Variants in IL1RAPL1 observed in about 807,000 individuals in gnomAD.
IL1RAPL1 encodes the protein interleukin 1 receptor accessory protein like 1, also known as interleukin-1 receptor accessory protein-like 1.
A neutral mutation model predicts 48.4 loss-of-function variants in IL1RAPL1; 3 were observed. The ratio of observed to expected loss-of-function variants is 0.06; its 90% confidence interval spans 0.03 to 0.16. The LOEUF is 0.16. Ranked by LOEUF, IL1RAPL1 falls within the 10% of genes least tolerant of loss-of-function variation. The pLI is 1.00. For missense variants in IL1RAPL1, 349 were observed against 530.6 expected (o/e 0.66, Z 3.36); for synonymous variants, 185 against 187.7 (o/e 0.99, Z 0.12).
chrX:28,762,823 C>CACACACACAGAG (rs1268556014), intron 1 of IL1RAPL1, among the ~76,000 whole-genome samples: 15 of 36,770 alleles, frequency 4.1e-4, no homozygotes, highest in Admixed American at 2.4e-3. Context: ...CACACACACA[C>CACACACACAGAG]AGAGAGAGAG....
intron 5 of IL1RAPL1, among the ~76,000 whole-genome samples, chrX:29,613,607 A>G (rs1000512327): frequency 1.2e-4 from 13 of 110,544 alleles, no homozygotes; most frequent in Non-Finnish European, 2.5e-4. Flanking sequence ...CAACAAAAAC[A>G]GTTTGCTATA....
intron 6 of IL1RAPL1, among the ~76,000 whole-genome samples, chrX:29,817,953 A>G (rs1001689912): frequency 2.7e-5 from 3 of 111,846 alleles, no homozygotes; most frequent in Non-Finnish European, 3.8e-5. Flanking sequence ...ATGAGCAAGG[A>G]GATGTCCCTG....
intron 1 of IL1RAPL1, among the ~76,000 whole-genome samples, chrX:28,667,505 C>G (rs1360440970): frequency 8.9e-6 from 1 of 111,981 alleles, no homozygotes; most frequent in Non-Finnish European, 1.9e-5. Flanking sequence ...TCCTGTTTTG[C>G]TACTGTGAAC....
intron 1 of IL1RAPL1, among the ~76,000 whole-genome samples, chrX:28,744,217 C>G (rs753914941): frequency 5.4e-5 from 6 of 111,149 alleles, no homozygotes; most frequent in African/African-American, 2.0e-4. Context: ...TTTCCATGCA[C>G]CTATGACGGA....
chrX:29,579,878 A>G (rs896339754), intron 5 of IL1RAPL1, among the ~76,000 whole-genome samples: 11 of 111,906 alleles, frequency 9.8e-5, no homozygotes, highest in African/African-American at 3.6e-4. Flanking sequence ...TTATCTTTAC[A>G]TATGTGCTTA....
intron 6 of IL1RAPL1, among the ~76,000 whole-genome samples, chrX:29,803,306 C>T (rs745929886): frequency 2.9e-4 from 8 of 27,199 alleles, no homozygotes; most frequent in African/African-American, 8.4e-4. Flanking sequence ...TATACATATA[C>T]ACACATGTAT....
intron 6 of IL1RAPL1, among the ~76,000 whole-genome samples, chrX:29,862,758 TC>T (rs1326550017): frequency 1.8e-5 from 2 of 110,509 alleles, no homozygotes; most frequent in Non-Finnish European, 1.9e-5. Flanking sequence ...ACAATATCTA[TC>T]GGTAGACATT....
chrX:29,415,661 C>T (rs1934205834), intron 5 of IL1RAPL1, among the ~76,000 whole-genome samples: 1 of 111,923 alleles, frequency 8.9e-6, no homozygotes, highest in African/African-American at 3.2e-5. Context: ...CGTTGTGATC[C>T]ACCCACTTTG....
intron 1 of IL1RAPL1, among the ~76,000 whole-genome samples, chrX:28,699,149 T>C (rs1935267366): frequency 8.9e-6 from 1 of 112,342 alleles, no homozygotes; most frequent in Admixed American, 9.5e-5. Context: ...ATGTGATCCT[T>C]TGAGCCAGAG....
intron 2 of IL1RAPL1, among the ~76,000 whole-genome samples, chrX:29,214,656 G>A (rs965426387): frequency 1.8e-5 from 2 of 111,162 alleles, no homozygotes; most frequent in Non-Finnish European, 3.8e-5. Context: ...TGGGATCCCC[G>A]AGATAATTCC....
chrX:29,831,184 G>A (rs1930866813), intron 6 of IL1RAPL1, among the ~76,000 whole-genome samples: 2 of 111,541 alleles, frequency 1.8e-5, no homozygotes, highest in African/African-American at 6.5e-5. Flanking sequence ...TTCTGCTAAG[G>A]TATTGTGTGA....
chrX:29,649,845 A>G (rs1349808720), intron 5 of IL1RAPL1, among the ~76,000 whole-genome samples: 2 of 111,644 alleles, frequency 1.8e-5, no homozygotes, highest in Non-Finnish European at 3.8e-5. Context: ...ACATGATCTT[A>G]TATATATAGA....
At chrX:29,246,301 G>T (rs1026798872) in intron 2 of IL1RAPL1, among the ~76,000 whole-genome samples, 1 of 109,457 alleles carries the variant, frequency 9.1e-6, no homozygotes. Flanking sequence ...TTACCAACAT[G>T]CAAACTTGAT....
At chrX:29,278,535 A>G (rs186646651) in intron 2 of IL1RAPL1, among the ~76,000 whole-genome samples, 248 of 112,404 alleles carry the variant, frequency 2.2e-3, no homozygotes, top group African/African-American at 7.8e-3. Context: ...GAAGGAGAGT[A>G]CCAATAGCAA....
chrX:28,875,740 G>A (rs1384071759), intron 2 of IL1RAPL1, among the ~76,000 whole-genome samples: 2 of 111,233 alleles, frequency 1.8e-5, no homozygotes, highest in East Asian at 5.7e-4. Flanking sequence ...AGAAATGTAG[G>A]TATCTCTAAA....
At chrX:29,340,055 TGAAA>T (rs770926537) in intron 3 of IL1RAPL1, among the ~76,000 whole-genome samples, 56 of 112,341 alleles carry the variant, frequency 5.0e-4, no homozygotes, top group African/African-American at 1.7e-3. Flanking sequence ...TTCTGCCAAC[TGAAA>T]GAATAGATAC....
chrX:29,308,427 G>T (rs961389561), intron 3 of IL1RAPL1, among the ~76,000 whole-genome samples: 1 of 111,619 alleles, frequency 9.0e-6, no homozygotes, highest in East Asian at 2.8e-4. Context: ...AGATTGACCA[G>T]TTCTCAGGCA....
chrX:29,239,508 T>C (rs723806), intron 2 of IL1RAPL1, among the ~76,000 whole-genome samples: 45,821 of 110,821 alleles, frequency 0.41, 9,162 homozygotes, highest in Non-Finnish European at 0.62. Flanking sequence ...AATGTTATTA[T>C]CATACTGACA....
At position 29,918,145 on chromosome X, in the gene IL1RAPL1, ATATAT is replaced by A. The variant is rs1442506377; in HGVS notation, c.911+550_911+554del. On this transcript the variant is annotated intron_variant, in intron 7 of 10. Transcript: ENST00000378993. The stretch of plus-strand genomic sequence containing the variant: ...CTCCAAAAAAAAAAAAAAAAAAAAA[ATATAT>A]ATATATATATATATATATATAGTGA... Among the ~76,000 whole-genome samples the A allele has an allele frequency of 2.4e-3, 37 of 15,295 alleles. 1 individual carries two copies. Among genetic ancestry groups the A allele is most frequent in the African/African-American group, 7.1e-3 (22 of 3,102 alleles). The allele number at this position is 15,295 out of a possible 115,157, so 13.3% of individuals were successfully genotyped here. A position where few individuals can be genotyped will look rare whatever the true frequency, so the allele number is the denominator to read the frequency against.
Sources: gnomAD v4.1 joint callset for allele counts (sites outside exome capture counted in the v4.1 genomes callset) on GRCh38, gnomAD v4.1.1 for gene constraint, MANE v1.5 for transcripts, NCBI Gene and HGNC (gene_info 2026-07-23, HGNC 2026-07-21) for gene names.